Variants in HGSNAT observed in about 807,000 individuals in gnomAD.
HGSNAT encodes heparan-alpha-glucosaminide N-acetyltransferase, also known as transmembrane protein 76.
HGSNAT carries 59 observed loss-of-function variants against 85.2 expected under a neutral mutation model. The observed-to-expected ratio is 0.69, with a 90% CI of 0.56 to 0.86. The LOEUF is 0.86. Among genes scored for constraint, HGSNAT ranks in the 40% least tolerant of loss-of-function variants. The pLI is 0.00. For missense variants in HGSNAT, 756 were observed against 777.1 expected (o/e 0.97, Z 0.32); for synonymous variants, 321 against 304.5 (o/e 1.05, Z -0.56).
intron 11 of HGSNAT, among the ~76,000 whole-genome samples, chr8:43,189,369 C>T (rs1586748147): frequency 6.6e-6 from 1 of 152,140 alleles, no homozygotes; most frequent in East Asian, 1.9e-4. Context: ...TGCCACCTTG[C>T]AGTTTGATCT....
At chr8:43,183,052 A>T (rs1804186137) in intron 11 of HGSNAT, among the ~76,000 whole-genome samples, 1 of 152,238 alleles carries the variant, frequency 6.6e-6, no homozygotes, top group Admixed American at 6.5e-5. Flanking sequence ...TGTGTATCAT[A>T]CAGTGTGTAA....
chr8:43,182,606 G>C (rs992026613), intron 11 of HGSNAT, among the ~76,000 whole-genome samples: 1 of 151,934 alleles, frequency 6.6e-6, no homozygotes, highest in Non-Finnish European at 1.5e-5. Context: ...ACCATGCCTG[G>C]CTAGTTTTAT....
chr8:43,173,315 T>G (rs1276431992), intron 8 of HGSNAT, among the ~76,000 whole-genome samples: 1 of 144,646 alleles, frequency 6.9e-6, no homozygotes, highest in African/African-American at 2.5e-5. Flanking sequence ...TTTCTTTTTC[T>G]TTTTTTTTTT....
Position 43,199,578 on chromosome 8 carries a change from A to T in HGSNAT, c.*9A>T. 2.0e-6 allele frequency: 3 copies of T among 1,528,484 alleles called. No individual in the cohort carries two copies. The highest frequency in any genetic ancestry group is 1.8e-6 in the Non-Finnish European group (2 of 1,137,616). 94.7% of individuals were successfully genotyped at this position (1,528,484 alleles called of 1,614,324 possible). A position where few individuals can be genotyped will look rare whatever the true frequency, so the allele number is the denominator to read the frequency against. ...TTTTTTGGAAAATCTGATGGCTCCC[A>T]CTGAGATGTGCTGCTGGAAGACTCT... On this transcript the variant is annotated 3_prime_UTR_variant, in exon 18 of 18. Transcript: ENST00000379644.
chr8:43,171,413 C>G (rs1357984099), intron 7 of HGSNAT, among the ~76,000 whole-genome samples: 1 of 152,148 alleles, frequency 6.6e-6, no homozygotes, highest in East Asian at 1.9e-4. Flanking sequence ...AGTCACTGTT[C>G]TAACTCGTCT....
At position 43,196,574 on chromosome 8, in the gene HGSNAT, C is replaced by G. The variant is rs111579179; in HGVS notation, c.1465-374C>G. On this transcript the variant is annotated intron_variant, in intron 14 of 17. Coordinates refer to ENST00000379644, the MANE Select transcript of HGSNAT (RefSeq NM_152419.3). ...TCTCCTCCTTTCCCCATGACCTGGGCTTCTGCATTCCCTGCAGCAGTGGAG... is the reference window on the plus strand; with the variant it reads ...TCTCCTCCTTTCCCCATGACCTGGGGTTCTGCATTCCCTGCAGCAGTGGAG... 6.9e-3 allele frequency: 8,307 copies of G among 1,204,898 alleles called. 473 individuals are homozygous for G. The African/African-American group carries it at 0.12, about 17-fold the overall frequency. The allele number at this position is 1,204,898 out of a possible 1,614,324, so 74.6% of individuals were successfully genotyped here.
chr8:43,190,674 C>T (rs949169261), intron 11 of HGSNAT, among the ~76,000 whole-genome samples: 2 of 152,172 alleles, frequency 1.3e-5, no homozygotes, highest in African/African-American at 4.8e-5. Flanking sequence ...ACCCTTTCTT[C>T]CTTCAACCAC....
intron 9 of HGSNAT, among the ~76,000 whole-genome samples, chr8:43,175,106 C>T (rs900986770): frequency 6.6e-6 from 1 of 152,158 alleles, no homozygotes; most frequent in Admixed American, 6.5e-5. Flanking sequence ...TGTGTATATA[C>T]ACCACATTTT....
chr8:43,187,036 T>C (rs1388412638), intron 11 of HGSNAT, among the ~76,000 whole-genome samples: 2 of 152,206 alleles, frequency 1.3e-5, no homozygotes, highest in Non-Finnish European at 2.9e-5. Flanking sequence ...TTCTTTTACA[T>C]TTGCTGAGGA....
At chr8:43,190,806 T>C (rs1236984673) in intron 11 of HGSNAT, among the ~76,000 whole-genome samples, 2 of 152,230 alleles carry the variant, frequency 1.3e-5, no homozygotes, top group Non-Finnish European at 2.9e-5. Context: ...TACAATTTGA[T>C]GATATTTGCT....
At chr8:43,165,044 ATTTTTTTTTTTTTT>A (rs1175997527) in intron 5 of HGSNAT, among the ~76,000 whole-genome samples, 2 of 72,032 alleles carry the variant, frequency 2.8e-5, no homozygotes, top group African/African-American at 5.0e-5. Context: ...CACCATGATA[ATTTTTTTTTTTTTT>A]TTTTTTTTTT....
At position 43,202,669 on chromosome 8, in the gene HGSNAT, A is replaced by C. The variant is rs1160580212; in HGVS notation, c.*3100A>C. ...GAATATACTGCCGCTGTAGATCATA[A>C]AATGTATCTTTTCCATGGCCAACAA... On this transcript the variant is annotated 3_prime_UTR_variant, in exon 18 of 18. Coordinates refer to ENST00000379644, the MANE Select transcript of HGSNAT (RefSeq NM_152419.3). The C allele has an allele frequency of 3.3e-5, 5 of 152,198 alleles. No homozygotes were observed. Among genetic ancestry groups the C allele is most frequent in the Admixed American group, 3.3e-4 (5 of 15,276 alleles). The allele number at this position is 152,198 out of a possible 1,614,324, so 9.4% of individuals were successfully genotyped here.
At chr8:43,151,928 G>A (rs1255345981) in intron 2 of HGSNAT, among the ~76,000 whole-genome samples, 2 of 152,162 alleles carry the variant, frequency 1.3e-5, no homozygotes, top group African/African-American at 4.8e-5. Flanking sequence ...TTACCTAGCT[G>A]TTAGGTGGCA....
At chr8:43,168,094 T>C (rs1803490731) in intron 5 of HGSNAT, 1 of 176,748 alleles carries the variant, frequency 5.7e-6, no homozygotes. Context: ...AATTTTTTTG[T>C]ATTTTTAGTA....
intron 6 of HGSNAT, among the ~76,000 whole-genome samples, chr8:43,169,776 C>A (rs955935853): frequency 6.6e-6 from 1 of 152,118 alleles, no homozygotes; most frequent in Admixed American, 6.6e-5. Context: ...AAAACCAGAC[C>A]TCTAGATGGG....
intron 2 of HGSNAT, among the ~76,000 whole-genome samples, chr8:43,152,895 G>T (rs1293397836): frequency 1.3e-5 from 2 of 152,050 alleles, no homozygotes; most frequent in African/African-American, 2.4e-5. Context: ...TATGTAAATA[G>T]AATTCATTAT....
At chr8:43,159,088 A>C in intron 4 of HGSNAT, 44 bp downstream of exon 4, 5 of 1,590,086 alleles carry the variant, frequency 3.1e-6, no homozygotes, top group Non-Finnish European at 4.3e-6. Flanking sequence ...GCATTTTCAG[A>C]GGTTTCAGTT....
intron 2 of HGSNAT, among the ~76,000 whole-genome samples, chr8:43,148,014 AG>A (rs1316122879): frequency 6.6e-6 from 1 of 152,110 alleles, no homozygotes; most frequent in Non-Finnish European, 1.5e-5. Flanking sequence ...AGACCGAGGT[AG>A]GGGGATCACC....
chr8:43,169,703 GT>G (rs1260078697), intron 6 of HGSNAT, among the ~76,000 whole-genome samples: 1 of 152,154 alleles, frequency 6.6e-6, no homozygotes, highest in African/African-American at 2.4e-5. Flanking sequence ...AGTTTTTTTG[GT>G]GTCATTTATC....
Sources: allele counts gnomAD v4.1 joint callset (sites outside exome capture counted in the v4.1 genomes callset), GRCh38; gene constraint gnomAD v4.1.1; transcripts MANE v1.5; gene names NCBI Gene and HGNC (gene_info 2026-07-23, HGNC 2026-07-21).